ZEB2: variants seen among roughly 807,000 people sequenced by gnomAD.
ZEB2 encodes zinc finger E-box binding homeobox 2, also known as zinc finger E-box-binding homeobox 2.
Under a neutral mutation model 99.9 loss-of-function variants are expected in ZEB2, and 6 were observed. That is an observed-to-expected ratio of 0.06 (90% CI 0.03 to 0.12). The LOEUF (loss-of-function observed/expected upper bound fraction) is 0.12, where lower values mean the gene tolerates loss of function less well. Among genes scored for constraint, ZEB2 ranks in the 10% least tolerant of loss-of-function variants. The probability of loss-of-function intolerance (pLI) is 1.00; values close to 1 mark genes in which losing one functional copy is unlikely to be tolerated. For missense variants in ZEB2, 969 were observed against 1,502.8 expected (o/e 0.64, Z 5.87); for synonymous variants, 517 against 542.5 (o/e 0.95, Z 0.65).
At chr2:144,394,219 C>T (rs569449516) in intron 9 of ZEB2, among the ~76,000 whole-genome samples, 1 of 152,252 alleles carries the variant, frequency 6.6e-6, no homozygotes, top group African/African-American at 2.4e-5. Flanking sequence ...CCGCATCAGG[C>T]CTGAAGTTTA....
intron 9 of ZEB2, chr2:144,390,477 T>C (rs1242621155): frequency 7.8e-6 from 2 of 256,756 alleles, no homozygotes; most frequent in African/African-American, 4.6e-5. Flanking sequence ...CTGCTTGTTA[T>C]ATCATGAGAT....
intron 3 of ZEB2, among the ~76,000 whole-genome samples, chr2:144,425,584 A>G (rs1389197514): frequency 6.6e-6 from 1 of 152,132 alleles, no homozygotes; most frequent in Non-Finnish European, 1.5e-5. Flanking sequence ...GATGAAGGTG[A>G]ATATATATAA....
chr2:144,517,733 G>C (rs1705185915), intron 1 of ZEB2: 2 of 701,132 alleles, frequency 2.9e-6, no homozygotes, highest in Non-Finnish European at 5.2e-6. Flanking sequence ...GCTTGACTCA[G>C]GGCTAGGCGG....
At chr2:144,511,485 G>C in intron 2 of ZEB2, 1 of 1,277,754 alleles carries the variant, frequency 7.8e-7, no homozygotes, top group Non-Finnish European at 1.0e-6. Flanking sequence ...AAAAGTATTT[G>C]GCACATAGCT....
intron 2 of ZEB2, among the ~76,000 whole-genome samples, chr2:144,486,257 A>T (rs1704595453): frequency 6.6e-6 from 1 of 152,178 alleles, no homozygotes; most frequent in South Asian, 2.1e-4. Flanking sequence ...CTTCTGACTA[A>T]ATTTTTCACC....
intron 2 of ZEB2, among the ~76,000 whole-genome samples, chr2:144,505,081 A>G (rs1318953322): frequency 6.6e-6 from 1 of 152,042 alleles, no homozygotes; most frequent in African/African-American, 2.4e-5. Flanking sequence ...TGTCAGGGGG[A>G]AAAAACGCAC....
intron 2 of ZEB2, among the ~76,000 whole-genome samples, chr2:144,484,201 G>GTGTGTGTGTT (rs1704561703): frequency 6.6e-6 from 1 of 151,956 alleles, no homozygotes. Flanking sequence ...GTGTGTGTGT[G>GTGTGTGTGTT]TGTGTGTGTG....
intron 3 of ZEB2, among the ~76,000 whole-genome samples, chr2:144,426,313 T>C (rs1467694081): frequency 6.6e-6 from 1 of 152,226 alleles, no homozygotes; most frequent in East Asian, 1.9e-4. Context: ...CCTCATCTGA[T>C]ATTTTTATCA....
At chr2:144,496,251 C>T (rs1573801058) in intron 2 of ZEB2, 2 of 152,084 alleles carry the variant, frequency 1.3e-5, no homozygotes, top group East Asian at 3.9e-4. Context: ...CTCATAAGGC[C>T]GAGGAAGGCC....
rs970478809 is a variant in ZEB2, at chr2:144,400,398, T to G, written c.917-128A>C. 15 of 1,016,790 alleles carry G rather than the reference T, an allele frequency of 1.5e-5. No homozygotes were observed. The Admixed American group carries it at 3.3e-4, about 23-fold the overall frequency. 63.0% of individuals were successfully genotyped at this position (1,016,790 alleles called of 1,614,324 possible). A position where few individuals can be genotyped will look rare whatever the true frequency, so the allele number is the denominator to read the frequency against. On this transcript the variant is annotated intron_variant, in intron 7 of 9. Transcript: ENST00000627532. ...TGGGGTACCTCTACATTCTAGGTAC[T>G]TAGATTAGAATTATGTGACCATAAC...
intron 2 of ZEB2, among the ~76,000 whole-genome samples, chr2:144,460,597 T>C (rs1296186728): frequency 6.6e-6 from 1 of 152,180 alleles, no homozygotes; most frequent in Non-Finnish European, 1.5e-5. Flanking sequence ...CAATCTCATC[T>C]TAAGTGTAAC....
At chr2:144,510,946 C>T (rs1011143121) in intron 2 of ZEB2, among the ~76,000 whole-genome samples, 4 of 152,154 alleles carry the variant, frequency 2.6e-5, no homozygotes, top group Non-Finnish European at 4.4e-5. Context: ...AAAAGACCGC[C>T]GTGTCAGGGG....
In ZEB2 at chr2:144,386,797, T is replaced by C. The variant is rs1028986699; in HGVS notation, c.*2654A>G. On this transcript the variant is annotated 3_prime_UTR_variant, in exon 10 of 10. Coordinates refer to ENST00000627532, the MANE Select transcript of ZEB2 (RefSeq NM_014795.4). ...GAGCCTTTCAAACCAGAAAAATTTA[T>C]GTAGTGTATTTATTTGTGCCATTCA... The C allele has an allele frequency of 1.3e-5, 2 of 152,038 alleles. No homozygotes were observed. The highest frequency in any genetic ancestry group is 2.4e-5 in the African/African-American group (1 of 41,376). The allele number at this position is 152,038 out of a possible 1,614,324, so 9.4% of individuals were successfully genotyped here. A position where few individuals can be genotyped will look rare whatever the true frequency, so the allele number is the denominator to read the frequency against.
At chr2:144,456,025 A>AT in intron 2 of ZEB2, among the ~76,000 whole-genome samples, 1 of 152,196 alleles carries the variant, frequency 6.6e-6, no homozygotes, top group Non-Finnish European at 1.5e-5. Context: ...TGCAACTCTT[A>AT]TAAGAACTTA....
At position 144,498,358 on chromosome 2, in the gene ZEB2, T is replaced by C. The variant is rs142694424; in HGVS notation, c.73+18920A>G. ...CAGAACCAGTGCAGCCTGGAGCACG[T>C]CATAATACCTCCTCCATCCCACCAC... On this transcript the variant is annotated intron_variant, in intron 2 of 9. Transcript: ENST00000627532. Among the ~76,000 whole-genome samples the C allele has an allele frequency of 4.8e-3, 725 of 151,122 alleles. 10 individuals carry two copies. The highest frequency in any genetic ancestry group is 0.013 in the African/African-American group (549 of 41,050).
intron 3 of ZEB2, 179 bp downstream of exon 3, chr2:144,429,590 A>G (rs540769724): frequency 5.7e-4 from 543 of 959,388 alleles, no homozygotes; most frequent in Non-Finnish European, 8.0e-4. Flanking sequence ...AACTGCCGCA[A>G]TGTGATAACA....
intron 2 of ZEB2, among the ~76,000 whole-genome samples, chr2:144,490,846 T>C (rs1225523277): frequency 6.6e-6 from 1 of 152,224 alleles, no homozygotes; most frequent in East Asian, 1.9e-4. Context: ...AAATTCAAAA[T>C]GGAAAACAGC....
intron 2 of ZEB2, among the ~76,000 whole-genome samples, chr2:144,446,276 A>G (rs1436642844): frequency 6.6e-6 from 1 of 152,026 alleles, no homozygotes; most frequent in Admixed American, 6.5e-5. Flanking sequence ...GTTAGTAGTC[A>G]AAGGATATTG....
chr2:144,495,239 A>G (rs1037165570), intron 2 of ZEB2: 15 of 152,254 alleles, frequency 9.9e-5, no homozygotes, highest in Non-Finnish European at 1.5e-5. Context: ...CAATTGAGAA[A>G]TGAAAACCCA....
Sources: gnomAD v4.1 joint callset for allele counts (sites outside exome capture counted in the v4.1 genomes callset) on GRCh38, gnomAD v4.1.1 for gene constraint, MANE v1.5 for transcripts, NCBI Gene and HGNC (gene_info 2026-07-23, HGNC 2026-07-21) for gene names.